The following RSBN1 variants were observed in gnomAD, a reference collection of about 807,000 sequenced individuals.
RSBN1 encodes lysine-specific demethylase 9.
RSBN1 carries 23 observed loss-of-function variants against 74.8 expected under a neutral mutation model. The observed-to-expected ratio is 0.31, with a 90% CI of 0.22 to 0.44. The LOEUF (loss-of-function observed/expected upper bound fraction) is 0.44, where lower values mean the gene tolerates loss of function less well. RSBN1 is among the 20% of genes least tolerant of loss of function. The pLI is 1.00. For missense variants in RSBN1, 808 were observed against 1,020.9 expected, an observed-to-expected ratio of 0.79 and a Z score of 2.84; for synonymous variants, 407 against 379.6, an observed-to-expected ratio of 1.07 and a Z score of -0.84.
In RSBN1 at chr1:113,812,257, C is replaced by T; in HGVS notation, c.156G>A (p.Gln52=). 1.2e-6 allele frequency: 2 copies of T among 1,606,064 alleles called. No individual in the cohort carries two copies. The highest frequency in any genetic ancestry group is 2.2e-5 in the South Asian group (2 of 91,084). The change falls in exon 1 of 7, where the codon CAG becomes CAA. Residue 52 remains glutamine, a synonymous_variant. Transcript: ENST00000261441. ...KCVFVGEMAA[Q]VGAVRVVRAV... ...CCCGTACTACGCGCACCGCTCCGAC[C>T]TGCGCAGCCATTTCACCCACAAACA...
At chr1:113,785,348 G>T (rs918129947) in intron 2 of RSBN1, among the ~76,000 whole-genome samples, 1 of 151,784 alleles carries the variant, frequency 6.6e-6, no homozygotes, top group Non-Finnish European at 1.5e-5. Context: ...TCTGTCTGAG[G>T]GTGTTTTACA....
chr1:113,785,224 CTG>C (rs1660216636), intron 2 of RSBN1, among the ~76,000 whole-genome samples: 1 of 152,042 alleles, frequency 6.6e-6, no homozygotes, highest in African/African-American at 2.4e-5. Context: ...ATTAATATCA[CTG>C]TCTTTCATCT....
At chr1:113,799,140 A>G (rs1660530405) in intron 1 of RSBN1, among the ~76,000 whole-genome samples, 1 of 152,190 alleles carries the variant, frequency 6.6e-6, no homozygotes, top group Admixed American at 6.5e-5. Context: ...ACATTAATTC[A>G]TCCAAACATT....
intron 2 of RSBN1, among the ~76,000 whole-genome samples, chr1:113,786,961 A>G (rs1319032753): frequency 2.0e-5 from 3 of 152,218 alleles, no homozygotes; most frequent in African/African-American, 7.2e-5. Context: ...GCACTCCTCC[A>G]TCGTTACTTT....
chr1:113,766,525 G>A (rs1659784611), intron 6 of RSBN1, 72 bp from the exon 7 acceptor site: 35 of 970,304 alleles, frequency 3.6e-5, no homozygotes, highest in South Asian at 1.8e-4. Context: ...AATTAGCAAA[G>A]GAAAACAGTA....
At chr1:113,801,431 T>C (rs1558003968) in intron 1 of RSBN1, among the ~76,000 whole-genome samples, 1 of 152,340 alleles carries the variant, frequency 6.6e-6, no homozygotes. Flanking sequence ...TGGCAACTAA[T>C]TGAGAATGGC....
At chr1:113,784,079 C>T (rs1660193112) in intron 2 of RSBN1, among the ~76,000 whole-genome samples, 1 of 152,070 alleles carries the variant, frequency 6.6e-6, no homozygotes, top group Non-Finnish European at 1.5e-5. Context: ...ACTTGCAAAC[C>T]ATACAAAATG....
intron 2 of RSBN1, among the ~76,000 whole-genome samples, chr1:113,792,593 A>C (rs766325898): frequency 3.9e-5 from 6 of 152,130 alleles, no homozygotes; most frequent in Non-Finnish European, 8.8e-5. Context: ...AGTCCTAGCT[A>C]CTCTAGAGGC....
chr1:113,798,122 C>T (rs1660510655), intron 1 of RSBN1, 86 bp from the exon 2 acceptor site: 2 of 1,168,172 alleles, frequency 1.7e-6, no homozygotes, highest in Non-Finnish European at 2.4e-6. Context: ...CATTAAATAG[C>T]CTATCCTCAA....
At position 113,764,589 on chromosome 1, in the gene RSBN1, A is replaced by G. The variant is rs1659744402; in HGVS notation, c.*1391T>C. The G allele has an allele frequency of 6.6e-6, 1 of 152,176 alleles. No individual in the cohort carries two copies. The highest frequency in any genetic ancestry group is 2.1e-4 in the South Asian group (1 of 4,818). 9.4% of individuals were successfully genotyped at this position (152,176 alleles called of 1,614,324 possible). On this transcript the variant is annotated 3_prime_UTR_variant, in exon 7 of 7. Coordinates refer to ENST00000261441, the MANE Select transcript of RSBN1 (RefSeq NM_018364.5). Reference sequence around the variant, plus strand: ...AAGATGCAGCTAAGTTTTCATGGTGACAGACATAATAAAGCAGCATCTTGT... The same window carrying G: ...AAGATGCAGCTAAGTTTTCATGGTGGCAGACATAATAAAGCAGCATCTTGT...
chr1:113,765,879 G>A lies in RSBN1; in HGVS notation c.*101C>T, dbSNP rs188304457. The A allele has an allele frequency of 6.3e-6, 5 of 794,496 alleles. No homozygotes were observed. The highest frequency in any genetic ancestry group is 5.7e-5 in the Admixed American group (2 of 34,878). 49.2% of individuals were successfully genotyped at this position (794,496 alleles called of 1,614,324 possible). A position where few individuals can be genotyped will look rare whatever the true frequency, so the allele number is the denominator to read the frequency against. Reference sequence around the variant, plus strand: ...TGTCATTTCTCTTTATAGAATTATAGGCAAGATTTCTCCAATAAAACTTAA... The same window carrying A: ...TGTCATTTCTCTTTATAGAATTATAAGCAAGATTTCTCCAATAAAACTTAA... On this transcript the variant is annotated 3_prime_UTR_variant, in exon 7 of 7. Transcript: ENST00000261441.
At chr1:113,771,904 A>C (rs1282975195) in intron 4 of RSBN1, among the ~76,000 whole-genome samples, 1 of 151,768 alleles carries the variant, frequency 6.6e-6, no homozygotes, top group African/African-American at 2.4e-5. Flanking sequence ...GGGCAATCAG[A>C]AACTGCAGGA....
intron 1 of RSBN1, among the ~76,000 whole-genome samples, chr1:113,807,859 A>G (rs1660742223): frequency 6.6e-6 from 1 of 151,596 alleles, no homozygotes; most frequent in South Asian, 2.1e-4. Flanking sequence ...AAAAGGTATA[A>G]AGAGACATTT....
intron 2 of RSBN1, among the ~76,000 whole-genome samples, chr1:113,782,138 G>A (rs552139027): frequency 1.3e-5 from 2 of 152,098 alleles, no homozygotes; most frequent in East Asian, 1.9e-4. Context: ...TATACATTTC[G>A]CAAATTCTAA....
rs1218174340 is a variant in RSBN1 at position 113,766,282 on chromosome 1, G to A, written c.2107C>T (p.Gln703Ter). 6.2e-7 allele frequency: 1 copy of A among 1,614,078 alleles called. No individual in the cohort carries two copies. Among genetic ancestry groups the A allele is most frequent in the Admixed American group, 1.7e-5 (1 of 60,018 alleles). The change falls in exon 7 of 7, where the codon CAG (glutamine) becomes TAG (stop). Residue 703 changes from glutamine to a stop codon, truncating the protein, a stop_gained. Coordinates refer to ENST00000261441, the MANE Select transcript of RSBN1 (RefSeq NM_018364.5). LOFTEE classifies it high-confidence loss of function. ...CSLAWHIRLK[Q>*]YHPVVEATQN... ...GTGGCTTCCACAACAGGGTGGTACT[G>A]TTTAAGCCTTATATGCCAGGCTAAG...
chr1:113,804,160 G>A (rs1244128199), intron 1 of RSBN1, among the ~76,000 whole-genome samples: 1 of 151,954 alleles, frequency 6.6e-6, no homozygotes, highest in Non-Finnish European at 1.5e-5. Flanking sequence ...CTATCTCACA[G>A]AGTTATTTTA....
At chr1:113,767,699 A>G (rs998707644) in intron 5 of RSBN1, among the ~76,000 whole-genome samples, 6 of 152,198 alleles carry the variant, frequency 3.9e-5, no homozygotes, top group Non-Finnish European at 8.8e-5. Context: ...TTATTCACAA[A>G]AGCCAAAAGG....
rs933090070 is a variant in RSBN1, at chr1:113,762,399, C to G, written c.*3581G>C. Reference sequence around the variant, plus strand: ...TTTCAAGACAAGGATAGGTCCCTTACGTGCTAAAGAAAAACATTTGTACTG... The same window carrying G: ...TTTCAAGACAAGGATAGGTCCCTTAGGTGCTAAAGAAAAACATTTGTACTG... On this transcript the variant is annotated 3_prime_UTR_variant, in exon 7 of 7. Transcript: ENST00000261441. 1.3e-5 allele frequency: 2 copies of G among 152,466 alleles called. No individual in the cohort carries two copies. The highest frequency in any genetic ancestry group is 2.9e-5 in the Non-Finnish European group (2 of 68,010). The allele number at this position is 152,466 out of a possible 1,614,324, so 9.4% of individuals were successfully genotyped here.
rs566217158 is a variant in RSBN1 at position 113,799,880 on chromosome 1, C to T, written c.704-1844G>A. On this transcript the variant is annotated intron_variant, in intron 1 of 6. Coordinates refer to ENST00000261441, the MANE Select transcript of RSBN1 (RefSeq NM_018364.5). The stretch of plus-strand genomic sequence containing the variant: ...GATTAAATACCAGGTAGAGTCCTGA[C>T]GAACCTTCAAGTTTGGTCTAGTATT... Among the ~76,000 whole-genome samples the T allele has an allele frequency of 9.9e-5, 15 of 152,206 alleles. No individual in the cohort carries two copies. The South Asian group carries it at 1.0e-3, about 11-fold the overall frequency.
Sources: allele counts gnomAD v4.1 joint callset (sites outside exome capture counted in the v4.1 genomes callset), GRCh38; gene constraint gnomAD v4.1.1; transcripts MANE v1.5; gene names NCBI Gene and HGNC (gene_info 2026-07-23, HGNC 2026-07-21).